The following SURF4 variants were observed in gnomAD, a reference collection of about 807,000 sequenced individuals.
The protein encoded by SURF4 is surfeit 4.
Under a neutral mutation model 30.0 loss-of-function variants are expected in SURF4, and 3 were observed. The ratio of observed to expected loss-of-function variants is 0.10; its 90% CI spans 0.05 to 0.26. SURF4 has a LOEUF of 0.26. SURF4 is among the 10% of genes least tolerant of loss of function. SURF4 has a pLI of 1.00. For missense variants in SURF4, 217 were observed against 350.8 expected (o/e 0.62, Z 3.05); for synonymous variants, 143 against 139.9 (o/e 1.02, Z -0.16).
intron 5 of SURF4, 94 bp downstream of exon 5, chr9:133,364,746 A>T: frequency 7.9e-7 from 1 of 1,263,878 alleles, no homozygotes; most frequent in Non-Finnish European, 1.1e-6. Context: ...GGCTGTGGTT[A>T]ATACCCAACC....
At chr9:133,373,616 A>AT (rs1444081595) in intron 1 of SURF4, among the ~76,000 whole-genome samples, 4 of 151,640 alleles carry the variant, frequency 2.6e-5, no homozygotes, top group Non-Finnish European at 5.9e-5. Context: ...AAAAAACATA[A>AT]TAACAAAACA....
chr9:133,371,547 G>A (rs1266207455), intron 1 of SURF4, among the ~76,000 whole-genome samples: 1 of 152,214 alleles, frequency 6.6e-6, no homozygotes, highest in Non-Finnish European at 1.5e-5. Flanking sequence ...CCCATGTTCT[G>A]GGAGGAGCCC....
chr9:133,372,433 C>T (rs1196383402), intron 1 of SURF4, among the ~76,000 whole-genome samples: 2 of 152,226 alleles, frequency 1.3e-5, no homozygotes, highest in Non-Finnish European at 2.9e-5. Context: ...CAGCCAACCT[C>T]CCTCTGCCCA....
chr9:133,363,262 G>T lies in SURF4; in HGVS notation c.*231C>A. 1 of 740,710 alleles carries T rather than the reference G, an allele frequency of 1.4e-6. No individual in the cohort carries two copies. 45.9% of individuals were successfully genotyped at this position (740,710 alleles called of 1,614,324 possible). A position where few individuals can be genotyped will look rare whatever the true frequency, so the allele number is the denominator to read the frequency against. On this transcript the variant is annotated 3_prime_UTR_variant, in exon 6 of 6. Transcript: ENST00000371989. The surrounding 1 kb of genome is among the most constrained non-coding windows in gnomAD (Gnocchi z 4.3). ...AGCCTCGGCGTGGGGGAGGCTTCCA[G>T]CTGCCAGGCTGGCCTGCACTGAAGG...
At position 133,363,672 on chromosome 9, in the gene SURF4, A is replaced by AAGAT; in HGVS notation, c.630_631insATCT (p.Trp211IlefsTer24). 6.2e-7 allele frequency: 1 copy of AAGAT among 1,614,260 alleles called. No individual in the cohort carries two copies. The highest frequency in any genetic ancestry group is 1.7e-5 in the Admixed American group (1 of 60,026). On this transcript the variant is annotated frameshift_variant, in exon 6 of 6. Coordinates refer to ENST00000371989, the MANE Select transcript of SURF4 (RefSeq NM_033161.4). LOFTEE classifies it high-confidence loss of function. This position sits in a 1 kb window ranked among gnomAD's most constrained non-coding sequence, Gnocchi z 4.3. The stretch of plus-strand genomic sequence containing the variant: ...AAATATACGTTGATGGCAAAGAGCC[A>AAGAT]CACAACAAGAGTCAAAGCAGCCAGC...
At chr9:133,376,439 G>A, upstream of SURF4, 1 of 1,543,688 alleles carries the variant, frequency 6.5e-7, no homozygotes. Flanking sequence ...TGGGGCCAGG[G>A]GTGGACGCTC....
chr9:133,367,591 G>A (rs1194773492), intron 1 of SURF4, 146 bp from the exon 2 acceptor site: 15 of 1,518,144 alleles, frequency 9.9e-6, no homozygotes, highest in African/African-American at 1.4e-5. Context: ...TCCCAGGGCA[G>A]ACTAGGGGGC....
intron 1 of SURF4, chr9:133,370,807 C>A: frequency 1.8e-5 from 22 of 1,200,366 alleles, no homozygotes; most frequent in Non-Finnish European, 2.2e-5. Context: ...CATTAGAGAA[C>A]TGCGACAGCA....
chr9:133,364,632 C>T (rs2130105358), intron 5 of SURF4, among the ~76,000 whole-genome samples: 58 of 149,056 alleles, frequency 3.9e-4, no homozygotes, highest in African/African-American at 1.4e-3. Flanking sequence ...GCGGAACTTG[C>T]GGTGAGCCGA....
chr9:133,371,886 T>G (rs147878761), intron 1 of SURF4, among the ~76,000 whole-genome samples: 3 of 152,180 alleles, frequency 2.0e-5, no homozygotes, highest in African/African-American at 7.2e-5. Flanking sequence ...CTGCCACTCT[T>G]GAGGACAGGT....
chr9:133,363,082 A>C lies in SURF4; in HGVS notation c.*411T>G. Reference sequence around the variant, plus strand: ...CCAAAATAATTTAGTAGTTTCCGCTAAAAATGTAAACTTACAAATAAGAGG... The same window carrying C: ...CCAAAATAATTTAGTAGTTTCCGCTCAAAATGTAAACTTACAAATAAGAGG... On this transcript the variant is annotated 3_prime_UTR_variant, in exon 6 of 6. Transcript: ENST00000371989. This position sits in a 1 kb window ranked among gnomAD's most constrained non-coding sequence, Gnocchi z 4.3. 1 of 334,408 alleles carries C rather than the reference A, an allele frequency of 3.0e-6. No individual in the cohort carries two copies. The highest frequency in any genetic ancestry group is 2.1e-5 in the African/African-American group (1 of 47,256). 20.7% of individuals were successfully genotyped at this position (334,408 alleles called of 1,614,324 possible).
upstream of SURF4, chr9:133,376,651 C>A: frequency 8.5e-7 from 1 of 1,170,706 alleles, no homozygotes; most frequent in Non-Finnish European, 1.2e-6. Flanking sequence ...CCGAGGGCGG[C>A]GAGGGGCCCG....
intron 1 of SURF4, chr9:133,375,250 T>C: frequency 1.0e-6 from 1 of 985,498 alleles, no homozygotes; most frequent in Non-Finnish European, 1.2e-6. Flanking sequence ...TGGACACTTC[T>C]GGAAGGAGAC....
At chr9:133,376,816 C>T (rs1004681118), upstream of SURF4, among the ~76,000 whole-genome samples, 1 of 152,202 alleles carries the variant, frequency 6.6e-6, no homozygotes, top group Non-Finnish European at 1.5e-5. Flanking sequence ...TGGGGCAGCT[C>T]CTCTATCCTT....
At chr9:133,377,357 C>T (rs112292658), upstream of SURF4, among the ~76,000 whole-genome samples, 69 of 152,318 alleles carry the variant, frequency 4.5e-4, no homozygotes, top group East Asian at 1.5e-3. Flanking sequence ...GCCCTCAGCC[C>T]GCTGTGGCTT....
At chr9:133,366,509 G>A (rs1195647065) in intron 3 of SURF4, 90 bp downstream of exon 3, 1 of 1,382,178 alleles carries the variant, frequency 7.2e-7, no homozygotes, top group Non-Finnish European at 1.0e-6. Context: ...GCTGAAGGGG[G>A]AGTGACACTG....
intron 1 of SURF4, chr9:133,375,364 A>G (rs1246951895): frequency 3.0e-6 from 3 of 985,720 alleles, no homozygotes; most frequent in East Asian, 2.3e-4. Flanking sequence ...GACAGGGTCA[A>G]AGGGACCCCA....
intron 1 of SURF4, among the ~76,000 whole-genome samples, chr9:133,369,150 G>A (rs1052501505): frequency 6.6e-6 from 1 of 152,220 alleles, no homozygotes. Context: ...ATGTGGCAGA[G>A]AACGGAGGCA....
intron 1 of SURF4, among the ~76,000 whole-genome samples, chr9:133,369,425 C>T (rs1005333287): frequency 6.6e-6 from 1 of 152,202 alleles, no homozygotes; most frequent in African/African-American, 2.4e-5. Context: ...TTGAGAGTGT[C>T]TCTACTATCC....
Sources: gnomAD v4.1 joint callset for allele counts (sites outside exome capture counted in the v4.1 genomes callset) on GRCh38, gnomAD v4.1.1 for gene constraint, Gnocchi (gnomAD v3.1) non-coding constraint, MANE v1.5 for transcripts, NCBI Gene and HGNC (gene_info 2026-07-23, HGNC 2026-07-21) for gene names.